Variants in ZC3HAV1 observed in about 807,000 individuals in gnomAD.
The protein encoded by ZC3HAV1 is zinc finger CCCH-type containing, antiviral 1, also known as zinc finger CCCH-type antiviral protein 1.
ZC3HAV1 carries 41 observed loss-of-function variants against 86.6 expected under a neutral mutation model. That is an observed-to-expected ratio of 0.47 (90% CI 0.37 to 0.61). The LOEUF (loss-of-function observed/expected upper bound fraction) is 0.61, where lower values mean the gene tolerates loss of function less well. ZC3HAV1 is among the 20% of genes least tolerant of loss of function. ZC3HAV1 has a pLI of 0.00. For synonymous variants in ZC3HAV1, 421 were observed against 432.1 expected (o/e 0.97, Z 0.32); for missense variants, 964 against 1,141.1 (o/e 0.84, Z 2.24).
At position 139,046,727 on chromosome 7, in the gene ZC3HAV1, T is replaced by G. The variant is rs1815964328; in HGVS notation, c.*867A>C. 1 of 151,624 alleles carries G rather than the reference T, an allele frequency of 6.6e-6. No homozygotes were observed. The highest frequency in any genetic ancestry group is 2.4e-5 in the African/African-American group (1 of 40,838). 9.4% of individuals were successfully genotyped at this position (151,624 alleles called of 1,614,324 possible). A position where few individuals can be genotyped will look rare whatever the true frequency, so the allele number is the denominator to read the frequency against. On this transcript the variant is annotated 3_prime_UTR_variant, in exon 13 of 13. Transcript: ENST00000242351. ...ACTGCAGCCATGTCTGCAATAGCAC[T>G]TCAATTTTACTTTTTTTTCCCCTAG...
chr7:139,103,873 C>T (rs533718546), intron 1 of ZC3HAV1, among the ~76,000 whole-genome samples: 44 of 152,204 alleles, frequency 2.9e-4, no homozygotes, highest in African/African-American at 8.4e-4. Flanking sequence ...AATAAAAATT[C>T]TAAAACACAT....
At chr7:139,071,184 C>T (rs1211575172) in intron 7 of ZC3HAV1, among the ~76,000 whole-genome samples, 1 of 151,046 alleles carries the variant, frequency 6.6e-6, no homozygotes, top group Non-Finnish European at 1.5e-5. Context: ...GCAACCCCTA[C>T]CTCCTTGGTT....
intron 7 of ZC3HAV1, among the ~76,000 whole-genome samples, chr7:139,065,690 G>A (rs1816579953): frequency 6.6e-6 from 1 of 152,146 alleles, no homozygotes; most frequent in Non-Finnish European, 1.5e-5. Flanking sequence ...TGGATCACGA[G>A]GTCAAGAGAT....
intron 9 of ZC3HAV1, chr7:139,060,410 T>C: frequency 1.0e-6 from 1 of 987,356 alleles, no homozygotes; most frequent in Non-Finnish European, 1.2e-6. Context: ...CAGCAACATT[T>C]CCTTTAAAAT....
intron 5 of ZC3HAV1, among the ~76,000 whole-genome samples, chr7:139,077,766 A>C (rs1050772597): frequency 6.6e-6 from 1 of 152,228 alleles, no homozygotes; most frequent in African/African-American, 2.4e-5. Flanking sequence ...TATTATGTTT[A>C]AATTGTTTTG....
rs1417371046 is a variant in ZC3HAV1, at chr7:139,044,834, A to G, written c.*2760T>C. ...ATTTTCTCCACTTCGACAACTGTAC[A>G]TTTTCTTGCATAGTATCTTTATTTC... On this transcript the variant is annotated 3_prime_UTR_variant, in exon 13 of 13. Coordinates refer to ENST00000242351, the MANE Select transcript of ZC3HAV1 (RefSeq NM_020119.4). 6.6e-6 allele frequency: 1 copy of G among 152,420 alleles called. No individual in the cohort carries two copies. Among genetic ancestry groups the G allele is most frequent in the Non-Finnish European group, 1.5e-5 (1 of 68,020 alleles). The allele number at this position is 152,420 out of a possible 1,614,324, so 9.4% of individuals were successfully genotyped here.
chr7:139,059,133 A>T (rs141595629), intron 9 of ZC3HAV1, among the ~76,000 whole-genome samples: 2 of 152,194 alleles, frequency 1.3e-5, no homozygotes, highest in African/African-American at 4.8e-5. Context: ...GATCTCATTC[A>T]TTGGCTGAAT....
intron 7 of ZC3HAV1, among the ~76,000 whole-genome samples, chr7:139,071,844 C>T (rs1443259276): frequency 6.6e-6 from 1 of 152,190 alleles, no homozygotes; most frequent in Non-Finnish European, 1.5e-5. Flanking sequence ...TAAAATGTAT[C>T]TGCTGCTAAG....
At chr7:139,065,477 G>T (rs1053500801) in intron 7 of ZC3HAV1, among the ~76,000 whole-genome samples, 1 of 152,138 alleles carries the variant, frequency 6.6e-6, no homozygotes, top group Non-Finnish European at 1.5e-5. Context: ...TCCAATAGTT[G>T]CAGTGTTCAA....
At chr7:139,076,472 G>T in intron 5 of ZC3HAV1, 63 bp from the exon 6 acceptor site, 1 of 1,597,902 alleles carries the variant, frequency 6.3e-7, no homozygotes, top group Non-Finnish European at 8.5e-7. Flanking sequence ...ATTCAGTCAA[G>T]TTCACTGCCA....
chr7:139,079,130 G>A (rs1469989407), intron 4 of ZC3HAV1: 3 of 1,536,164 alleles, frequency 2.0e-6, no homozygotes, highest in Non-Finnish European at 2.6e-6. Context: ...TGTCTTCCTT[G>A]TGAGCTCGCT....
At chr7:139,071,103 C>CTTT (rs1463945923) in intron 7 of ZC3HAV1, among the ~76,000 whole-genome samples, 8 of 135,334 alleles carry the variant, frequency 5.9e-5, no homozygotes, top group Admixed American at 1.5e-4. Context: ...TTTCTGAAAC[C>CTTT]TTTTTTTTTT....
rs751373341 is a variant in ZC3HAV1 at position 139,079,635 on chromosome 7, C to G, written c.1306G>C (p.Ala436Pro). Residue 436 changes from alanine (A) to proline (P), a missense_variant, in exon 4 of 13, where the codon GCC (alanine) becomes CCC (proline). Coordinates refer to ENST00000242351, the MANE Select transcript of ZC3HAV1 (RefSeq NM_020119.4). ...GATCTGGTAGAAGTTATATCTGTGGCCACTCCATCAGCATTATTATTAAAA... is the reference window on the plus strand; with the variant it reads ...GATCTGGTAGAAGTTATATCTGTGGGCACTCCATCAGCATTATTATTAAAA... ...PLFNNNADGV[A>P]TDITSTRSLN... is the part of the protein sequence containing the mutation. The G allele has an allele frequency of 6.2e-7, 1 of 1,614,108 alleles. No individual in the cohort carries two copies. The highest frequency in any genetic ancestry group is 8.5e-7 in the Non-Finnish European group (1 of 1,180,034).
intron 1 of ZC3HAV1, among the ~76,000 whole-genome samples, chr7:139,097,428 A>ATTTTTTTTTTTT (rs11291842): frequency 1.9e-4 from 9 of 48,156 alleles, no homozygotes; most frequent in African/African-American, 9.1e-4. Context: ...ATATATATAT[A>ATTTTTTTTTTTT]TTTTTTTTTT....
At chr7:139,070,235 T>A (rs10236919) in intron 7 of ZC3HAV1, among the ~76,000 whole-genome samples, 1 of 152,188 alleles carries the variant, frequency 6.6e-6, no homozygotes, top group Non-Finnish European at 1.5e-5. Flanking sequence ...ACAACATTCA[T>A]GTGTTTGCAG....
Position 139,080,206 on chromosome 7 carries a change from A to G in ZC3HAV1, c.735T>C (p.Ala245=). Residue 245 remains alanine, a synonymous_variant, in exon 4 of 13, where the codon GCT becomes GCC. Transcript: ENST00000242351. The stretch of plus-strand genomic sequence containing the variant: ...AGAACCGATCTCTACTCTTGCTTCT[A>G]GCCCTATATGCCATGTTTCTACGAT... ...SSHRRNMAYR[A]RSKSRDRFFQ... 1.9e-6 allele frequency: 3 copies of G among 1,614,238 alleles called. No individual in the cohort carries two copies. The highest frequency in any genetic ancestry group is 2.5e-6 in the Non-Finnish European group (3 of 1,180,048).
At chr7:139,094,134 T>A (rs1817512033) in intron 1 of ZC3HAV1, among the ~76,000 whole-genome samples, 1 of 152,110 alleles carries the variant, frequency 6.6e-6, no homozygotes, top group Non-Finnish European at 1.5e-5. Flanking sequence ...TGATTCTCAA[T>A]CTTTTAGGAT....
chr7:139,063,708 C>T (rs1584845652), intron 8 of ZC3HAV1, among the ~76,000 whole-genome samples: 2 of 117,436 alleles, frequency 1.7e-5, no homozygotes, highest in Admixed American at 1.1e-4. Context: ...TGAGTGATGG[C>T]GTGGGACCCT....
intron 12 of ZC3HAV1, among the ~76,000 whole-genome samples, chr7:139,049,045 T>C (rs1236620135): frequency 6.6e-6 from 1 of 152,148 alleles, no homozygotes; most frequent in Non-Finnish European, 1.5e-5. Context: ...GATCATAATA[T>C]ATGAACTGTT....
Sources: gnomAD v4.1 joint callset for allele counts (sites outside exome capture counted in the v4.1 genomes callset) on GRCh38, gnomAD v4.1.1 for gene constraint, MANE v1.5 for transcripts, NCBI Gene and HGNC (gene_info 2026-07-23, HGNC 2026-07-21) for gene names.